Variants in RPS6KC1 observed in about 807,000 individuals in gnomAD.
The protein encoded by RPS6KC1 is ribosomal protein S6 kinase C1, also known as inactive ribosomal protein S6 kinase delta-1.
Under a neutral mutation model 103.8 loss-of-function variants are expected in RPS6KC1, and 54 were observed. The observed-to-expected ratio is 0.52, with a 90% CI of 0.42 to 0.65. The LOEUF is 0.65. RPS6KC1 is among the 30% of genes least tolerant of loss of function. The probability of loss-of-function intolerance (pLI) is 0.00; values close to 1 mark genes in which losing one functional copy is unlikely to be tolerated. For missense variants in RPS6KC1, 1,151 were observed against 1,253.8 expected, an observed-to-expected ratio of 0.92 and a Z score of 1.24; for synonymous variants, 439 against 438.7, an observed-to-expected ratio of 1.00 and a Z score of -0.01.
the RPS6KC1 span, among the ~76,000 whole-genome samples, chr1:213,296,230 TG>T: frequency 1.3e-5 from 2 of 152,336 alleles, no homozygotes; most frequent in East Asian, 3.9e-4. Flanking sequence ...GAAAAAGACT[TG>T]GTGTTTCATT....
chr1:213,567,507 G>T, the RPS6KC1 span, among the ~76,000 whole-genome samples: 1 of 152,060 alleles, frequency 6.6e-6, no homozygotes, highest in Non-Finnish European at 1.5e-5. Context: ...CCCTTTGTTT[G>T]GGGTTTCTGG....
chr1:213,172,971 A>T (rs1355887288), intron 7 of RPS6KC1, among the ~76,000 whole-genome samples: 1 of 152,244 alleles, frequency 6.6e-6, no homozygotes, highest in Non-Finnish European at 1.5e-5. Flanking sequence ...TCATAGCGCA[A>T]TGGGCCAAGT....
chr1:213,801,864 G>C, the RPS6KC1 span, among the ~76,000 whole-genome samples: 1 of 152,174 alleles, frequency 6.6e-6, no homozygotes, highest in South Asian at 2.1e-4. Context: ...GGAAGAGAAT[G>C]GAACAACTTG....
chr1:213,553,658 C>T, the RPS6KC1 span, among the ~76,000 whole-genome samples: 7 of 152,058 alleles, frequency 4.6e-5, no homozygotes, highest in African/African-American at 1.2e-4. Context: ...AGTGTATCAG[C>T]GTTTCCTTTT....
At chr1:213,458,495 C>A in the RPS6KC1 span, among the ~76,000 whole-genome samples, 3 of 152,130 alleles carry the variant, frequency 2.0e-5, no homozygotes, top group South Asian at 2.1e-4. Context: ...AGAACAGTGC[C>A]TTTTCTTTTG....
At chr1:213,696,329 G>A in the RPS6KC1 span, among the ~76,000 whole-genome samples, 3 of 151,756 alleles carry the variant, frequency 2.0e-5, no homozygotes, top group South Asian at 2.1e-4. Flanking sequence ...GAGAAACTCC[G>A]TCTGTACTAA....
chr1:213,361,069 C>T, the RPS6KC1 span, among the ~76,000 whole-genome samples: 1 of 152,366 alleles, frequency 6.6e-6, no homozygotes, highest in Non-Finnish European at 1.5e-5. Context: ...GGGAGAACCA[C>T]TACTCTCTTC....
At chr1:213,225,774 TATTTTGTTGAGTCA>T (rs1460246664) in intron 8 of RPS6KC1, among the ~76,000 whole-genome samples, 1 of 152,228 alleles carries the variant, frequency 6.6e-6, no homozygotes, top group South Asian at 2.1e-4. Flanking sequence ...TGTGCAGGTA[TATTTTGTTGAGTCA>T]ATTAAGGGGC....
At chr1:213,395,574 GCTAA>G in the RPS6KC1 span, among the ~76,000 whole-genome samples, 1 of 152,102 alleles carries the variant, frequency 6.6e-6, no homozygotes, top group Non-Finnish European at 1.5e-5. Context: ...GTGATTTTCT[GCTAA>G]CTGTCTAACA....
At chr1:213,672,067 A>G in the RPS6KC1 span, among the ~76,000 whole-genome samples, 17 of 152,252 alleles carry the variant, frequency 1.1e-4, no homozygotes, top group South Asian at 3.5e-3. Flanking sequence ...CTATCCAAGG[A>G]TAGGTTGTTC....
chr1:213,553,321 T>C, the RPS6KC1 span, among the ~76,000 whole-genome samples: 1 of 152,186 alleles, frequency 6.6e-6, no homozygotes, highest in African/African-American at 2.4e-5. Flanking sequence ...TCCATCTATG[T>C]TGCTGCGAAG....
the RPS6KC1 span, among the ~76,000 whole-genome samples, chr1:213,317,348 T>C: frequency 6.6e-6 from 1 of 152,302 alleles, no homozygotes; most frequent in South Asian, 2.1e-4. Flanking sequence ...CATAGTCAGC[T>C]CAGGCTGCCA....
At chr1:213,787,280 G>A in the RPS6KC1 span, among the ~76,000 whole-genome samples, 22,259 of 151,992 alleles carry the variant, frequency 0.15, 3,794 homozygotes, top group African/African-American at 0.41. Context: ...AAACAGAGAA[G>A]CACAGTAGAG....
At chr1:213,168,393 A>G (rs866888636) in intron 7 of RPS6KC1, among the ~76,000 whole-genome samples, 18 of 152,362 alleles carry the variant, frequency 1.2e-4, no homozygotes, top group African/African-American at 3.4e-4. Context: ...TTATAAAAGC[A>G]TAATTCTAGC....
At chr1:213,069,279 T>G (rs1000003391) in intron 1 of RPS6KC1, among the ~76,000 whole-genome samples, 3 of 152,156 alleles carry the variant, frequency 2.0e-5, no homozygotes, top group African/African-American at 7.2e-5. Flanking sequence ...TTCACCAAGT[T>G]TATATATTCT....
the RPS6KC1 span, among the ~76,000 whole-genome samples, chr1:213,813,458 G>T: frequency 6.6e-6 from 1 of 151,702 alleles, no homozygotes; most frequent in Non-Finnish European, 1.5e-5. Flanking sequence ...ACATGAAGAT[G>T]AGAAAGTTGT....
chr1:213,511,562 A>G, the RPS6KC1 span, among the ~76,000 whole-genome samples: 85 of 152,282 alleles, frequency 5.6e-4, no homozygotes, highest in Non-Finnish European at 1.5e-4. Context: ...GCAGCCCTTT[A>G]TTCATTTCAG....
At chr1:213,569,557 T>C in the RPS6KC1 span, among the ~76,000 whole-genome samples, 902 of 152,328 alleles carry the variant, frequency 5.9e-3, 8 homozygotes, top group African/African-American at 0.017. Flanking sequence ...AGGGCTGTTA[T>C]GCTCGGCAGC....
chr1:213,392,609 A>T, the RPS6KC1 span, among the ~76,000 whole-genome samples: 1 of 152,238 alleles, frequency 6.6e-6, no homozygotes, highest in Non-Finnish European at 1.5e-5. Context: ...CAAGAACAAA[A>T]GCCACATCTT....
Sources: gnomAD v4.1 joint callset for allele counts (sites outside exome capture counted in the v4.1 genomes callset) on GRCh38, gnomAD v4.1.1 for gene constraint, MANE v1.5 for transcripts, NCBI Gene and HGNC (gene_info 2026-07-23, HGNC 2026-07-21) for gene names.